CDH13: variants seen among roughly 807,000 people sequenced by gnomAD.
CDH13 encodes cadherin 13, also known as cadherin-13.
CDH13 carries 24 observed loss-of-function variants against 63.8 expected under a neutral mutation model. The ratio of observed to expected loss-of-function variants is 0.38; its 90% confidence interval spans 0.27 to 0.53. The LOEUF (loss-of-function observed/expected upper bound fraction) is 0.53. Among genes scored for constraint, CDH13 ranks in the 20% least tolerant of loss-of-function variants. The probability of loss-of-function intolerance (pLI) is 0.85; values close to 1 mark genes in which losing one functional copy is unlikely to be tolerated. For synonymous variants in CDH13, 503 were observed against 355.3 expected (o/e 1.42, Z -4.67); for missense variants, 1,049 against 903.1 (o/e 1.16, Z -2.07).
chr16:83,185,835 T>C (rs2038499898), intron 4 of CDH13, among the ~76,000 whole-genome samples: 1 of 152,198 alleles, frequency 6.6e-6, no homozygotes, highest in Admixed American at 6.5e-5. Flanking sequence ...GATGGATAGA[T>C]TTATGCATTT....
At chr16:83,511,986 G>GT (rs2074577218) in intron 7 of CDH13, among the ~76,000 whole-genome samples, 1 of 152,110 alleles carries the variant, frequency 6.6e-6, no homozygotes, top group African/African-American at 2.4e-5. Context: ...TTAGTCCTCA[G>GT]TAAGTGTTAG....
At position 82,860,390 on chromosome 16, in the gene CDH13, G is replaced by T. The variant is rs190593353; in HGVS notation, c.157+1917G>T. On this transcript the variant is annotated intron_variant, in intron 2 of 13. Transcript: ENST00000567109. Reference sequence around the variant, plus strand: ...TATCACAGTTGTGTGTGTGTGTGTGGGGGGGGGGGCGGCGGTGTGCGTGTG... The same window carrying T: ...TATCACAGTTGTGTGTGTGTGTGTGTGGGGGGGGGCGGCGGTGTGCGTGTG... Among the ~76,000 whole-genome samples the T allele has an allele frequency of 3.4e-3, 264 of 77,150 alleles. 24 individuals are homozygous for T. The highest frequency in any genetic ancestry group is 0.013 in the South Asian group (26 of 1,926). The allele number at this position is 77,150 out of a possible 152,430, so 50.6% of individuals were successfully genotyped here. A position where few individuals can be genotyped will look rare whatever the true frequency, so the allele number is the denominator to read the frequency against.
chr16:82,805,399 T>A (rs1253444515), intron 1 of CDH13, among the ~76,000 whole-genome samples: 1 of 152,206 alleles, frequency 6.6e-6, no homozygotes, highest in Non-Finnish European at 1.5e-5. Context: ...TTGTCTTATC[T>A]CAGCTATGCA....
intron 5 of CDH13, among the ~76,000 whole-genome samples, chr16:83,260,912 A>G (rs1279416583): frequency 6.6e-6 from 1 of 151,758 alleles, no homozygotes; most frequent in Non-Finnish European, 1.5e-5. Flanking sequence ...AAATGGATGC[A>G]CCAGGTCTTG....
At chr16:82,652,808 T>A (rs935159477) in intron 1 of CDH13, among the ~76,000 whole-genome samples, 1 of 152,096 alleles carries the variant, frequency 6.6e-6, no homozygotes, top group Non-Finnish European at 1.5e-5. Flanking sequence ...TGAGTTCTGA[T>A]GGGAATCCCA....
At position 83,172,104 on chromosome 16, in the gene CDH13, G is replaced by A. The variant is rs995303626; in HGVS notation, c.484-45241G>A. 3.9e-5 allele frequency among the ~76,000 whole-genome samples: 6 copies of A among 152,174 alleles called. No homozygotes were observed. In the East Asian group the frequency reaches 9.7e-4, roughly 24 times the overall value. The stretch of plus-strand genomic sequence containing the variant: ...ACAGAGGTAATCATGTTAAACTGAG[G>A]TCATTTGAGTAGACCCTAGTATAAT... On this transcript the variant is annotated intron_variant, in intron 4 of 13. Transcript: ENST00000567109.
chr16:82,704,985 G>A (rs2031368095), intron 1 of CDH13: 1 of 361,154 alleles, frequency 2.8e-6, no homozygotes, highest in South Asian at 2.1e-5. Flanking sequence ...TCTTGCTGCT[G>A]CCTCATGAGG....
At chr16:82,802,301 A>T (rs1430918551) in intron 1 of CDH13, among the ~76,000 whole-genome samples, 1 of 152,172 alleles carries the variant, frequency 6.6e-6, no homozygotes, top group African/African-American at 2.4e-5. Context: ...GGACAACAAC[A>T]GTGTCTCCCA....
At chr16:82,985,123 C>G (rs935481326) in intron 2 of CDH13, among the ~76,000 whole-genome samples, 9 of 151,930 alleles carry the variant, frequency 5.9e-5, no homozygotes, top group Middle Eastern at 3.4e-3. Flanking sequence ...TGCTGTATTT[C>G]TCATAAGTGT....
chr16:83,710,100 G>C (rs1907787337), intron 10 of CDH13: 1 of 152,198 alleles, frequency 6.6e-6, no homozygotes, highest in African/African-American at 2.4e-5. Flanking sequence ...GGCATCTAGG[G>C]GGCAGAGGCC....
chr16:83,535,970 GAAAA>G, intron 7 of CDH13, among the ~76,000 whole-genome samples: 1 of 144,420 alleles, frequency 6.9e-6, no homozygotes, highest in East Asian at 2.0e-4. Flanking sequence ...GAAAAGAAAA[GAAAA>G]GAAAGAAACC....
chr16:82,718,464 G>T (rs1228645140), intron 1 of CDH13, among the ~76,000 whole-genome samples: 1 of 152,164 alleles, frequency 6.6e-6, no homozygotes, highest in African/African-American at 2.4e-5. Flanking sequence ...AACTGGGGTG[G>T]GGATGGTGAA....
intron 7 of CDH13, among the ~76,000 whole-genome samples, chr16:83,525,749 A>G (rs1350289938): frequency 1.3e-5 from 2 of 152,166 alleles, no homozygotes; most frequent in Admixed American, 6.6e-5. Context: ...ATCTTGGTGG[A>G]TCCACTCTAA....
At chr16:83,184,968 C>CACTT (rs1174851872) in intron 4 of CDH13, among the ~76,000 whole-genome samples, 2 of 151,884 alleles carry the variant, frequency 1.3e-5, no homozygotes, top group Non-Finnish European at 2.9e-5. Context: ...TTTAAATACA[C>CACTT]ACTTATAAGT....
In CDH13 at chr16:83,597,478, C is replaced by T. The variant is rs143064557; in HGVS notation, c.961-4976C>T. ...TATGTGGGTATTTAAAATGTACCTC[C>T]GTGTGTGTCCACTTGTATAGGAAAA... On this transcript the variant is annotated intron_variant, in intron 7 of 13. Transcript: ENST00000567109. Among the ~76,000 whole-genome samples the T allele has an allele frequency of 3.6e-3, 544 of 152,186 alleles. 4 individuals are homozygous for T. Among genetic ancestry groups the T allele is most frequent in the African/African-American group, 0.012 (513 of 41,510 alleles).
intron 2 of CDH13, among the ~76,000 whole-genome samples, chr16:82,949,624 G>T (rs1421439425): frequency 6.6e-6 from 1 of 152,072 alleles, no homozygotes; most frequent in Non-Finnish European, 1.5e-5. Flanking sequence ...CAACTTATTT[G>T]CCTTTAAGAG....
At position 83,238,233 on chromosome 16, in the gene CDH13, AGAG is replaced by A. The variant is rs1261425811; in HGVS notation, c.636+20737_636+20739del. On this transcript the variant is annotated intron_variant, in intron 5 of 13. Coordinates refer to ENST00000567109, the MANE Select transcript of CDH13 (RefSeq NM_001257.5). ...ACTGGGTAATTCATTTAAAAAAAAA[AGAG>A]AGATTTAGTGGACTTACAGTTCCAC... Among the ~76,000 whole-genome samples the A allele has an allele frequency of 6.4e-5, 9 of 141,166 alleles. No homozygotes were observed. The East Asian group carries it at 1.3e-3, about 20-fold the overall frequency. 92.6% of individuals were successfully genotyped at this position (141,166 alleles called of 152,430 possible).
At chr16:83,544,533 A>T (rs1598263921) in intron 7 of CDH13, among the ~76,000 whole-genome samples, 1 of 152,184 alleles carries the variant, frequency 6.6e-6, no homozygotes, top group Admixed American at 6.5e-5. Flanking sequence ...ATTACATGAG[A>T]TGTTTAACAC....
chr16:82,854,408 A>AAC (rs1739908892), intron 1 of CDH13, among the ~76,000 whole-genome samples: 1 of 151,608 alleles, frequency 6.6e-6, no homozygotes, highest in South Asian at 2.1e-4. Context: ...CTCAAAAAAA[A>AAC]AAAAAAAAAC....
Sources: allele counts gnomAD v4.1 joint callset (sites outside exome capture counted in the v4.1 genomes callset), GRCh38; gene constraint gnomAD v4.1.1; transcripts MANE v1.5; gene names NCBI Gene and HGNC (gene_info 2026-07-23, HGNC 2026-07-21).